Variants in PIK3C2A observed in about 807,000 individuals in gnomAD.
The protein encoded by PIK3C2A is phosphatidylinositol 4-phosphate 3-kinase C2 domain-containing subunit alpha.
PIK3C2A carries 97 observed loss-of-function variants against 204.5 expected under a neutral mutation model. That is an observed-to-expected ratio of 0.47 (90% confidence interval 0.40 to 0.56). PIK3C2A has a LOEUF of 0.56. Ranked by LOEUF, PIK3C2A falls within the 20% of genes least tolerant of loss-of-function variation. The pLI, the probability that PIK3C2A is intolerant of heterozygous loss-of-function variation, is 0.00. For synonymous variants in PIK3C2A, 653 were observed against 664.4 expected, an observed-to-expected ratio of 0.98 and a Z score of 0.26; for missense variants, 1,735 against 1,969.2, an observed-to-expected ratio of 0.88 and a Z score of 2.25.
intron 3 of PIK3C2A, among the ~76,000 whole-genome samples, chr11:17,150,919 C>T (rs61762002): frequency 0.15 from 22,740 of 152,162 alleles, 2,743 homozygotes; most frequent in African/African-American, 0.33. Flanking sequence ...CAAGCACATG[C>T]TTGGATAAAT....
chr11:17,115,954 G>A (rs147256286), intron 19 of PIK3C2A, among the ~76,000 whole-genome samples: 163 of 152,192 alleles, frequency 1.1e-3, no homozygotes, highest in African/African-American at 3.7e-3. Flanking sequence ...AGAAAACACA[G>A]GTGTACATCT....
chr11:17,113,488 CA>C (rs762910914), intron 20 of PIK3C2A, among the ~76,000 whole-genome samples: 24 of 152,028 alleles, frequency 1.6e-4, no homozygotes, highest in Non-Finnish European at 3.1e-4. Context: ...TAGCAATGAT[CA>C]AATCTTACTT....
At chr11:17,156,651 C>G (rs997494490) in intron 2 of PIK3C2A, among the ~76,000 whole-genome samples, 1 of 152,128 alleles carries the variant, frequency 6.6e-6, no homozygotes, top group Non-Finnish European at 1.5e-5. Context: ...CAAGATGATT[C>G]TGTGTGAGAA....
At chr11:17,089,983 T>C in intron 32 of PIK3C2A, 63 bp from the exon 33 acceptor site, 2 of 1,265,024 alleles carry the variant, frequency 1.6e-6, no homozygotes, top group Non-Finnish European at 2.2e-6. Flanking sequence ...TCTTGGAACA[T>C]TTCAAGTGAA....
intron 13 of PIK3C2A, among the ~76,000 whole-genome samples, chr11:17,128,480 C>T (rs1245895757): frequency 6.6e-6 from 1 of 152,110 alleles, no homozygotes; most frequent in Non-Finnish European, 1.5e-5. Flanking sequence ...CTCAAGTGAT[C>T]TGCCTACCTT....
Position 17,102,887 on chromosome 11 carries a change from A to T in PIK3C2A, c.3682-56T>A, listed in dbSNP as rs529433193. On this transcript the variant is annotated intron_variant, in intron 23 of 32. Transcript: ENST00000691414. ...AATGAATTATTTTTAAAAGAGGCAGAGTTTATAAATAGTAAAGTAATTTAT... is the reference window on the plus strand; with the variant it reads ...AATGAATTATTTTTAAAAGAGGCAGTGTTTATAAATAGTAAAGTAATTTAT... 6.7e-5 allele frequency: 78 copies of T among 1,160,622 alleles called. 2 individuals are homozygous for T. In the South Asian group the frequency reaches 1.1e-3, roughly 16 times the overall value. The allele number at this position is 1,160,622 out of a possible 1,614,324, so 71.9% of individuals were successfully genotyped here.
intron 28 of PIK3C2A, among the ~76,000 whole-genome samples, chr11:17,093,614 T>C (rs914557251): frequency 6.7e-6 from 1 of 150,232 alleles, no homozygotes; most frequent in African/African-American, 2.4e-5. Flanking sequence ...TGATAGATTA[T>C]TTCTACACTG....
chr11:17,183,854 C>T (rs1054189150), intron 1 of PIK3C2A, among the ~76,000 whole-genome samples: 1 of 151,714 alleles, frequency 6.6e-6, no homozygotes, highest in Non-Finnish European at 1.5e-5. Flanking sequence ...GTCCCAGCAC[C>T]CTCCCTTTGG....
At chr11:17,193,982 G>A (rs972498103) in intron 1 of PIK3C2A, 5 of 357,840 alleles carry the variant, frequency 1.4e-5, no homozygotes, top group African/African-American at 8.5e-5. Context: ...AGGAACATGT[G>A]CATTGCCAAG....
At chr11:17,151,640 G>A (rs1475831720) in intron 3 of PIK3C2A, among the ~76,000 whole-genome samples, 1 of 152,048 alleles carries the variant, frequency 6.6e-6, no homozygotes, top group Non-Finnish European at 1.5e-5. Context: ...TTTCCTTGTT[G>A]CTTCTGTTTT....
intron 15 of PIK3C2A, among the ~76,000 whole-genome samples, chr11:17,121,065 A>G (rs986882467): frequency 6.6e-6 from 1 of 152,092 alleles, no homozygotes; most frequent in Admixed American, 6.6e-5. Context: ...AGATAAATGT[A>G]CCTTAATTTA....
intron 1 of PIK3C2A, among the ~76,000 whole-genome samples, chr11:17,203,505 T>C (rs1354132383): frequency 4.6e-5 from 7 of 152,218 alleles, no homozygotes; most frequent in Admixed American, 4.6e-4. Flanking sequence ...ACCTGAAAGA[T>C]ACTTACAGCA....
At chr11:17,090,113 C>T (rs998933452) in intron 32 of PIK3C2A, among the ~76,000 whole-genome samples, 193 bp from the exon 33 acceptor site, 3 of 152,210 alleles carry the variant, frequency 2.0e-5, no homozygotes, top group Non-Finnish European at 4.4e-5. Context: ...TTGGATTGTA[C>T]TATCATTCCT....
At chr11:17,132,282 G>A (rs1849719974) in intron 11 of PIK3C2A, among the ~76,000 whole-genome samples, 1 of 150,554 alleles carries the variant, frequency 6.6e-6, no homozygotes, top group African/African-American at 2.4e-5. Flanking sequence ...TTAAAGCATG[G>A]TCATAATAAC....
intron 1 of PIK3C2A, among the ~76,000 whole-genome samples, chr11:17,199,207 C>G (rs1852277644): frequency 6.6e-6 from 1 of 151,350 alleles, no homozygotes; most frequent in Non-Finnish European, 1.5e-5. Context: ...ATGGCTATAA[C>G]TGGAAAAAAG....
intron 22 of PIK3C2A, among the ~76,000 whole-genome samples, chr11:17,107,618 T>C (rs1848866844): frequency 6.6e-6 from 1 of 152,342 alleles, no homozygotes; most frequent in South Asian, 2.1e-4. Flanking sequence ...TTCTACTATA[T>C]GCTATCTGGA....
At chr11:17,131,668 G>A (rs1023183982) in intron 12 of PIK3C2A, among the ~76,000 whole-genome samples, 4 of 152,150 alleles carry the variant, frequency 2.6e-5, no homozygotes, top group South Asian at 2.1e-4. Context: ...TGATCCGCCC[G>A]CCTTGGCCTC....
chr11:17,185,776 T>C (rs1851731590), intron 1 of PIK3C2A, among the ~76,000 whole-genome samples: 1 of 152,228 alleles, frequency 6.6e-6, no homozygotes, highest in Non-Finnish European at 1.5e-5. Context: ...AATACCATCC[T>C]AGACCAATTA....
At chr11:17,131,263 G>A (rs1849685021) in intron 12 of PIK3C2A, among the ~76,000 whole-genome samples, 1 of 152,056 alleles carries the variant, frequency 6.6e-6, no homozygotes, top group Admixed American at 6.6e-5. Context: ...TAGTGTTACA[G>A]AATAAATACT....
Sources: gnomAD v4.1 joint callset for allele counts (sites outside exome capture counted in the v4.1 genomes callset) on GRCh38, gnomAD v4.1.1 for gene constraint, MANE v1.5 for transcripts, NCBI Gene and HGNC (gene_info 2026-07-23, HGNC 2026-07-21) for gene names.